MYO3B: variants seen among roughly 807,000 people sequenced by gnomAD.
MYO3B encodes myosin IIIB, also known as myosin-IIIb.
In MYO3B, 156 loss-of-function variants were observed where a neutral mutation model predicts 174.6. The ratio of observed to expected loss-of-function variants is 0.89; its 90% confidence interval spans 0.78 to 1.02. The LOEUF (loss-of-function observed/expected upper bound fraction) is 1.02, where lower values mean the gene tolerates loss of function less well. Among genes scored for constraint, MYO3B ranks in the 50% least tolerant of loss-of-function variants. The pLI is 0.00. For synonymous variants in MYO3B, 563 were observed against 569.1 expected (o/e 0.99, Z 0.15); for missense variants, 1,632 against 1,639.4 (o/e 1.00, Z 0.08).
intron 32 of MYO3B, among the ~76,000 whole-genome samples, chr2:170,548,368 A>T (rs936260269): frequency 6.6e-6 from 1 of 152,152 alleles, no homozygotes; most frequent in South Asian, 2.1e-4. Context: ...CCTAACAAAC[A>T]TCCTAGGAAT....
At chr2:170,422,977 C>CTTTCT (rs1208789098) in intron 22 of MYO3B, among the ~76,000 whole-genome samples, 6 of 88,506 alleles carry the variant, frequency 6.8e-5, no homozygotes, top group African/African-American at 1.8e-4. Flanking sequence ...TTCTTTCTTT[C>CTTTCT]TTTTTTTTTT....
chr2:170,588,970 A>G (rs1693657283), intron 32 of MYO3B, among the ~76,000 whole-genome samples: 1 of 152,188 alleles, frequency 6.6e-6, no homozygotes, highest in Admixed American at 6.5e-5. Flanking sequence ...GACGGCCAAC[A>G]ACTTTAACCT....
intron 29 of MYO3B, among the ~76,000 whole-genome samples, chr2:170,517,165 A>G (rs1688372022): frequency 6.6e-6 from 1 of 152,196 alleles, no homozygotes; most frequent in African/African-American, 2.4e-5. Flanking sequence ...AAGCTGGGGG[A>G]TGGAGGAGCA....
intron 22 of MYO3B, among the ~76,000 whole-genome samples, chr2:170,409,214 T>C (rs1473703635): frequency 1.3e-5 from 2 of 152,186 alleles, no homozygotes; most frequent in Non-Finnish European, 2.9e-5. Context: ...ATAAAAACCA[T>C]TTAACAGCCT....
chr2:170,292,304 C>G (rs2093601670), intron 7 of MYO3B, among the ~76,000 whole-genome samples: 1 of 152,090 alleles, frequency 6.6e-6, no homozygotes, highest in South Asian at 2.1e-4. Flanking sequence ...TTAAATTTCT[C>G]TGATAAATTT....
chr2:170,571,323 A>G (rs1012264093), intron 32 of MYO3B, among the ~76,000 whole-genome samples: 3 of 152,200 alleles, frequency 2.0e-5, no homozygotes, highest in African/African-American at 7.2e-5. Flanking sequence ...CGCATTTAAC[A>G]TGGACCTAGA....
At chr2:170,471,674 T>G (rs983414088) in intron 25 of MYO3B, among the ~76,000 whole-genome samples, 1 of 152,136 alleles carries the variant, frequency 6.6e-6, no homozygotes, top group African/African-American at 2.4e-5. Flanking sequence ...TCCCATTGAA[T>G]TGTCCTTGGA....
intron 25 of MYO3B, among the ~76,000 whole-genome samples, chr2:170,485,145 G>A (rs1466240147): frequency 6.6e-6 from 1 of 151,936 alleles, no homozygotes; most frequent in Non-Finnish European, 1.5e-5. Context: ...GATCAAATTT[G>A]TATAGTCACG....
intron 22 of MYO3B, among the ~76,000 whole-genome samples, chr2:170,408,830 C>G (rs1558972765): frequency 6.6e-6 from 1 of 151,790 alleles, no homozygotes; most frequent in Non-Finnish European, 1.5e-5. Flanking sequence ...AAATCCGGCT[C>G]TTTTTTCAGA....
intron 32 of MYO3B, among the ~76,000 whole-genome samples, chr2:170,594,827 GCACACACACACACACA>G (rs3047151): frequency 0.036 from 4,818 of 135,178 alleles, 251 homozygotes; most frequent in African/African-American, 0.13. Flanking sequence ...CCCAGCGCGC[GCACACACACACACACA>G]CACACACACA....
intron 32 of MYO3B, among the ~76,000 whole-genome samples, chr2:170,547,980 G>A (rs560351388): frequency 4.6e-5 from 7 of 151,710 alleles, no homozygotes; most frequent in African/African-American, 1.5e-4. Flanking sequence ...GGTGGCAGGC[G>A]CCTGTAGTCC....
intron 7 of MYO3B, among the ~76,000 whole-genome samples, chr2:170,313,773 T>G (rs1275433260): frequency 1.3e-5 from 2 of 152,138 alleles, no homozygotes; most frequent in East Asian, 3.9e-4. Context: ...AAGATTTCTC[T>G]CCAGCTGTCC....
intron 32 of MYO3B, among the ~76,000 whole-genome samples, chr2:170,554,197 G>A (rs1336942885): frequency 6.6e-6 from 1 of 152,160 alleles, no homozygotes; most frequent in Non-Finnish European, 1.5e-5. Context: ...ATAGGAACAG[G>A]GTGCTTTGGA....
intron 30 of MYO3B, among the ~76,000 whole-genome samples, chr2:170,540,295 G>T (rs1690003208): frequency 6.6e-6 from 1 of 151,964 alleles, no homozygotes; most frequent in Admixed American, 6.6e-5. Flanking sequence ...CTGCACTCTA[G>T]CCTGGGCAAC....
intron 32 of MYO3B, chr2:170,647,949 T>TGA (rs969514476): frequency 6.6e-6 from 1 of 152,188 alleles, no homozygotes; most frequent in African/African-American, 2.4e-5. Flanking sequence ...ATCAGTCTTT[T>TGA]GAGTTACCAT....
intron 32 of MYO3B, among the ~76,000 whole-genome samples, chr2:170,554,582 C>G (rs1322322646): frequency 6.6e-6 from 1 of 152,230 alleles, no homozygotes; most frequent in Non-Finnish European, 1.5e-5. Context: ...TGTTCTCATT[C>G]CTGCGACTCA....
chr2:170,356,490 G>A (rs1574842307), intron 8 of MYO3B, among the ~76,000 whole-genome samples: 1 of 151,984 alleles, frequency 6.6e-6, no homozygotes, highest in Non-Finnish European at 1.5e-5. Context: ...AGCCTCCTGA[G>A]TAGCTGGGAT....
At chr2:170,357,825 G>A (rs2105630876) in intron 8 of MYO3B, among the ~76,000 whole-genome samples, 1 of 152,310 alleles carries the variant, frequency 6.6e-6, no homozygotes, top group South Asian at 2.1e-4. Flanking sequence ...GTACAGAAAT[G>A]TTCGTAGTAG....
chr2:170,270,299 T>C (rs1489849973), intron 7 of MYO3B, among the ~76,000 whole-genome samples: 2 of 152,192 alleles, frequency 1.3e-5, no homozygotes, highest in African/African-American at 4.8e-5. Context: ...CCCTCAGAAC[T>C]AGTAAGTGTG....
Sources: allele counts gnomAD v4.1 joint callset (sites outside exome capture counted in the v4.1 genomes callset), GRCh38; gene constraint gnomAD v4.1.1; transcripts MANE v1.5; gene names NCBI Gene and HGNC (gene_info 2026-07-23, HGNC 2026-07-21).